Variants in IFNLR1 observed in about 807,000 individuals in gnomAD.
IFNLR1 encodes the protein interferon lambda receptor 1, also known as CRF2-12.
A neutral mutation model predicts 52.5 loss-of-function variants in IFNLR1; 28 were observed. The observed-to-expected ratio is 0.53, with a 90% CI of 0.40 to 0.73. The LOEUF is 0.73. IFNLR1 is among the 30% of genes least tolerant of loss of function. The pLI, the probability that IFNLR1 is intolerant of heterozygous loss-of-function variation, is 0.00. For missense variants in IFNLR1, 623 were observed against 659.1 expected (o/e 0.95, Z 0.60); for synonymous variants, 276 against 274.9 (o/e 1.00, Z -0.04).
chr1:24,173,634 TC>T (rs539671390), intron 2 of IFNLR1, among the ~76,000 whole-genome samples: 1 of 150,670 alleles, frequency 6.6e-6, no homozygotes, highest in Admixed American at 6.6e-5. Flanking sequence ...CTCTCTTTCT[TC>T]TTTCCTTCCT....
chr1:24,162,296 A>G (rs1644452747), intron 3 of IFNLR1, among the ~76,000 whole-genome samples: 1 of 152,128 alleles, frequency 6.6e-6, no homozygotes, highest in Non-Finnish European at 1.5e-5. Context: ...CACATTTTTC[A>G]TCACGTTACC....
intron 1 of IFNLR1, among the ~76,000 whole-genome samples, chr1:24,185,584 C>T (rs1644729684): frequency 6.6e-6 from 1 of 152,178 alleles, no homozygotes; most frequent in Non-Finnish European, 1.5e-5. Flanking sequence ...AAAGTGGGTG[C>T]CTGCTTCCAC....
rs34654982 is a variant in IFNLR1 at position 24,169,595 on chromosome 1, G to A, written c.189C>T (p.Pro63=). ...CCACTTCGCGCCACCGTCTACGGGT[G>A]GGAGAGCTGGGGGAGGAGAGAGGAG... ...VTYFVAYQSS[P]TRRRWREVEE... is the part of the protein sequence containing the mutation. Residue 63 remains proline, a synonymous_variant, in exon 3 of 7, where the codon CCC becomes CCT. Coordinates refer to ENST00000327535, the MANE Select transcript of IFNLR1 (RefSeq NM_170743.4). 0.052 allele frequency: 83,231 copies of A among 1,612,394 alleles called. 4,396 individuals carry two copies. The highest frequency in any genetic ancestry group is 0.27 in the African/African-American group (20,033 of 74,920).
chr1:24,185,197 C>T (rs1644725058), intron 1 of IFNLR1, among the ~76,000 whole-genome samples: 2 of 152,074 alleles, frequency 1.3e-5, no homozygotes, highest in Non-Finnish European at 2.9e-5. Context: ...AACCAAGGCC[C>T]TCTCAGCTAT....
intron 6 of IFNLR1, 110 bp downstream of exon 6, chr1:24,158,942 C>T: frequency 8.7e-7 from 1 of 1,148,246 alleles, no homozygotes; most frequent in Non-Finnish European, 1.3e-6. Flanking sequence ...ATGTTTTGGT[C>T]CAAGAGTCTG....
At chr1:24,162,831 T>TTTC (rs201014664) in intron 3 of IFNLR1, among the ~76,000 whole-genome samples, 939 of 33,656 alleles carry the variant, frequency 0.028, 71 homozygotes, top group East Asian at 0.079. Context: ...TCTTTCTTTC[T>TTTC]TTTCTTTCTT....
At chr1:24,182,287 G>C (rs1331710378) in intron 1 of IFNLR1, among the ~76,000 whole-genome samples, 1 of 151,816 alleles carries the variant, frequency 6.6e-6, no homozygotes, top group African/African-American at 2.4e-5. Context: ...GGGCAGGCTT[G>C]CCAGCCACTC....
Position 24,157,899 on chromosome 1 carries a change from G to T in IFNLR1, c.802-8C>A, listed in dbSNP as rs199832174. The stretch of plus-strand genomic sequence containing the variant: ...TGTGTGTCCAGAAAAGTCCTGATTT[G>T]GGTAGGGGAGAGAAAAGCAGAAAAT... On this transcript the variant is annotated splice_polypyrimidine_tract_variant and splice_region_variant and intron_variant, in intron 6 of 6. Transcript: ENST00000327535. This position sits in a 1 kb window ranked among gnomAD's most constrained non-coding sequence, Gnocchi z 5.1. The T allele has an allele frequency of 1.3e-6, 2 of 1,543,700 alleles. No individual in the cohort carries two copies. The highest frequency in any genetic ancestry group is 1.7e-6 in the Non-Finnish European group (2 of 1,148,482).
rs1644376792 is a variant in IFNLR1 at position 24,156,165 on chromosome 1, G to A, written c.*965C>T. ...GGCGGAGAGACCAGGGTCCCCTTGG[G>A]TGGGGCTCTGGCTTCTGAGAGCTCA... is the stretch of plus-strand genomic sequence containing the variant. On this transcript the variant is annotated 3_prime_UTR_variant, in exon 7 of 7. Coordinates refer to ENST00000327535, the MANE Select transcript of IFNLR1 (RefSeq NM_170743.4). 1 of 152,188 alleles carries A rather than the reference G, an allele frequency of 6.6e-6. No homozygotes were observed. Among genetic ancestry groups the A allele is most frequent in the South Asian group, 2.1e-4 (1 of 4,832 alleles). 9.4% of individuals were successfully genotyped at this position (152,188 alleles called of 1,614,324 possible). A position where few individuals can be genotyped will look rare whatever the true frequency, so the allele number is the denominator to read the frequency against.
intron 3 of IFNLR1, among the ~76,000 whole-genome samples, chr1:24,168,411 C>T (rs1460864310): frequency 6.6e-6 from 1 of 152,048 alleles, no homozygotes; most frequent in African/African-American, 2.4e-5. Flanking sequence ...GGCATTTATC[C>T]TCCCTTTGTT....
chr1:24,168,060 A>G (rs1435006841), intron 3 of IFNLR1, among the ~76,000 whole-genome samples: 9 of 151,990 alleles, frequency 5.9e-5, no homozygotes, highest in Admixed American at 5.2e-4. Context: ...ACCTTGACTA[A>G]CATACTTCCT....
At chr1:24,159,316 C>A (rs1381420686) in intron 5 of IFNLR1, 134 bp from the exon 6 acceptor site, 1 of 1,326,132 alleles carries the variant, frequency 7.5e-7, no homozygotes, top group Non-Finnish European at 1.1e-6. Flanking sequence ...CTGTGCAAAC[C>A]AAGGTTTGGG....
rs1644387367 is a variant in IFNLR1, at chr1:24,157,138, C to T, written c.1555G>A (p.Ala519Thr). The change falls in exon 7 of 7, where the codon GCC becomes ACC. Residue 519 changes from alanine to threonine, a missense_variant. Ala to Thr is a moderately conservative substitution (Grantham distance 58). Transcript: ENST00000327535. This position sits in a 1 kb window ranked among gnomAD's most constrained non-coding sequence, Gnocchi z 5.1. ...GGATGTCGGGGGACAGCTCACCTGG[C>T]CATGTAATGCCCCAATGTCCGGCCC... ...DRGRTLGHYM[A>T]R 6.2e-7 allele frequency: 1 copy of T among 1,608,318 alleles called. No homozygotes were observed.
chr1:24,163,579 C>CTT (rs78681512), intron 3 of IFNLR1, among the ~76,000 whole-genome samples: 1 of 50,978 alleles, frequency 2.0e-5, no homozygotes, highest in Non-Finnish European at 4.7e-5. Flanking sequence ...ACATCTCTTT[C>CTT]TTTTTTCTTT....
intron 3 of IFNLR1, among the ~76,000 whole-genome samples, chr1:24,168,640 A>G (rs780893134): frequency 6.6e-6 from 1 of 152,028 alleles, no homozygotes; most frequent in Non-Finnish European, 1.5e-5. Flanking sequence ...GATTTCTGCC[A>G]GTAAGCATGG....
At position 24,187,186 on chromosome 1, in the gene IFNLR1, CT is replaced by C; in HGVS notation, c.58+4del. On this transcript the variant is annotated splice_donor_region_variant and intron_variant, in intron 1 of 6. Coordinates refer to ENST00000327535, the MANE Select transcript of IFNLR1 (RefSeq NM_170743.4). ...CCCCTCCCTCCCGCGGCCCCGCGCC[CT>C]TACCTGGAGCGGCCTGCAGCAGGCA... 1 of 1,361,608 alleles carries C rather than the reference CT, an allele frequency of 7.3e-7. No homozygotes were observed. The highest frequency in any genetic ancestry group is 9.5e-7 in the Non-Finnish European group (1 of 1,056,056). 84.3% of individuals were successfully genotyped at this position (1,361,608 alleles called of 1,614,324 possible). A position where few individuals can be genotyped will look rare whatever the true frequency, so the allele number is the denominator to read the frequency against.
In IFNLR1 at chr1:24,161,507, G is replaced by A. The variant is rs114112378; in HGVS notation, c.510+35C>T. ...CCTGAGTAAGAAGGGGTGGAGGAGC[G>A]GGCCTAGCCTGGGGGCAGGAAAGGA... On this transcript the variant is annotated intron_variant, in intron 4 of 6. Transcript: ENST00000327535. 5.4e-4 allele frequency: 836 copies of A among 1,552,630 alleles called. 14 individuals are homozygous for A. In the African/African-American group the frequency reaches 0.01, roughly 19 times the overall value.
chr1:24,186,142 G>A (rs186173743), intron 1 of IFNLR1, among the ~76,000 whole-genome samples: 1 of 152,292 alleles, frequency 6.6e-6, no homozygotes, highest in East Asian at 1.9e-4. Context: ...CAGGTACACG[G>A]TCCCTCATCA....
intron 3 of IFNLR1, among the ~76,000 whole-genome samples, chr1:24,168,450 C>G (rs545197153): frequency 1.3e-5 from 2 of 149,188 alleles, no homozygotes; most frequent in African/African-American, 2.4e-5. Context: ...TCAGAAAGAT[C>G]CAGTTCACAT....
Sources: allele counts gnomAD v4.1 joint callset (sites outside exome capture counted in the v4.1 genomes callset), GRCh38; gene constraint gnomAD v4.1.1; non-coding constraint Gnocchi (gnomAD v3.1); transcripts MANE v1.5; gene names NCBI Gene and HGNC (gene_info 2026-07-23, HGNC 2026-07-21).